Variants in TMCO5A observed in about 807,000 individuals in gnomAD.
TMCO5A encodes the protein transmembrane and coiled-coil domain-containing protein 5A.
A neutral mutation model predicts 42.3 loss-of-function variants in TMCO5A; 34 were observed. The observed-to-expected ratio is 0.80, with a 90% CI of 0.61 to 1.07. TMCO5A has a LOEUF of 1.07. Among genes scored for constraint, TMCO5A ranks in the 50% least tolerant of loss-of-function variants. The probability of loss-of-function intolerance (pLI) is 0.00; values close to 1 mark genes in which losing one functional copy is unlikely to be tolerated. For synonymous variants in TMCO5A, 131 were observed against 115.6 expected, an observed-to-expected ratio of 1.13 and a Z score of -0.86; for missense variants, 357 against 327.9, an observed-to-expected ratio of 1.09 and a Z score of -0.69.
chr15:37,978,612 A>G, the TMCO5A span, among the ~76,000 whole-genome samples: 2 of 152,264 alleles, frequency 1.3e-5, no homozygotes, highest in African/African-American at 4.8e-5. Context: ...TGCAGCCACA[A>G]TGCAAGAGAG....
At chr15:37,941,850 G>T (rs1392682915) in intron 8 of TMCO5A, 120 bp downstream of exon 8, 10 of 834,322 alleles carry the variant, frequency 1.2e-5, no homozygotes, top group Non-Finnish European at 2.0e-5. Flanking sequence ...GCACTACTAG[G>T]ATACTTTAAG....
chr15:38,036,073 C>G, the TMCO5A span, among the ~76,000 whole-genome samples: 1 of 152,178 alleles, frequency 6.6e-6, no homozygotes, highest in Non-Finnish European at 1.5e-5. Flanking sequence ...CACGTCCCCT[C>G]CATCACCCAG....
At chr15:37,974,782 G>A in the TMCO5A span, among the ~76,000 whole-genome samples, 1 of 152,014 alleles carries the variant, frequency 6.6e-6, no homozygotes, top group Non-Finnish European at 1.5e-5. Context: ...CTTGTCTTCT[G>A]CTAGCTCTGG....
intron 10 of TMCO5A, among the ~76,000 whole-genome samples, chr15:37,947,377 C>G (rs1890002284): frequency 6.6e-6 from 1 of 151,962 alleles, no homozygotes; most frequent in Non-Finnish European, 1.5e-5. Context: ...AGGTTCCAGG[C>G]CCCATCCTGC....
the TMCO5A span, among the ~76,000 whole-genome samples, chr15:37,981,200 C>CAAAAAAAAAAAAAAAA: frequency 1.5e-4 from 10 of 65,346 alleles, no homozygotes; most frequent in African/African-American, 4.5e-4. Context: ...AGAAAGCCAG[C>CAAAAAAAAAAAAAAAA]AAAAAAAAAA....
At chr15:38,040,404 G>A in the TMCO5A span, 1 of 152,160 alleles carries the variant, frequency 6.6e-6, no homozygotes, top group African/African-American at 2.4e-5. Context: ...TTCTTCTGCA[G>A]GCAAACGGAG....
chr15:37,992,946 A>C, the TMCO5A span, among the ~76,000 whole-genome samples: 1 of 152,126 alleles, frequency 6.6e-6, no homozygotes, highest in African/African-American at 2.4e-5. Context: ...AACAAACCCC[A>C]ATGACATGAA....
the TMCO5A span, among the ~76,000 whole-genome samples, chr15:37,979,421 G>A: frequency 6.6e-6 from 1 of 152,178 alleles, no homozygotes; most frequent in Non-Finnish European, 1.5e-5. Flanking sequence ...GCAGAATGTG[G>A]TAGGCTCCCA....
chr15:37,994,899 A>T, the TMCO5A span, among the ~76,000 whole-genome samples: 9 of 152,182 alleles, frequency 5.9e-5, no homozygotes, highest in Non-Finnish European at 1.2e-4. Context: ...CATCAAAGAG[A>T]GCAAACGTCA....
At position 37,943,323 on chromosome 15, in the gene TMCO5A, T is replaced by C. The variant is rs1281784406; in HGVS notation, c.570-18T>C. ...AGTGCACTTTGTTCAATTTCTGTCC[T>C]GGCTGTTATCTTCATAGATCAAAAC... On this transcript the variant is annotated intron_variant, in intron 9 of 11. Coordinates refer to ENST00000319669, the MANE Select transcript of TMCO5A (RefSeq NM_152453.4). 6.2e-7 allele frequency: 1 copy of C among 1,610,772 alleles called. No homozygotes were observed. The highest frequency in any genetic ancestry group is 2.2e-5 in the East Asian group (1 of 44,680).
chr15:38,010,369 C>G, the TMCO5A span, among the ~76,000 whole-genome samples: 170 of 111,924 alleles, frequency 1.5e-3, 1 homozygote, highest in African/African-American at 6.0e-3. Flanking sequence ...GGCGACAGAG[C>G]GAGACTCCGT....
At chr15:37,987,869 G>C in the TMCO5A span, among the ~76,000 whole-genome samples, 69 of 151,692 alleles carry the variant, frequency 4.5e-4, no homozygotes, top group Non-Finnish European at 1.0e-4. Flanking sequence ...GTAAATTTTA[G>C]GATAAACTTT....
downstream of TMCO5A, among the ~76,000 whole-genome samples, chr15:37,970,362 C>T (rs985171223): frequency 1.3e-5 from 2 of 152,210 alleles, no homozygotes. Flanking sequence ...TTGACTATCA[C>T]AAGAACAGCA....
chr15:37,936,700 C>T, intron 3 of TMCO5A, 147 bp from the exon 4 acceptor site: 2 of 1,248,200 alleles, frequency 1.6e-6, no homozygotes, highest in South Asian at 1.6e-5. Context: ...GGCAGGTCTT[C>T]CTGCTTTATG....
chr15:38,015,802 C>G, the TMCO5A span, among the ~76,000 whole-genome samples: 2 of 152,082 alleles, frequency 1.3e-5, no homozygotes, highest in African/African-American at 4.8e-5. Flanking sequence ...GAAAGAAGCC[C>G]AACTGAAAAG....
At chr15:38,027,800 G>T in the TMCO5A span, among the ~76,000 whole-genome samples, 3 of 152,154 alleles carry the variant, frequency 2.0e-5, no homozygotes. Context: ...GTTCTCACCA[G>T]ATCTGATGGT....
chr15:37,962,970 ATC>A (rs1349210241), intron 11 of TMCO5A, among the ~76,000 whole-genome samples: 2 of 151,720 alleles, frequency 1.3e-5, no homozygotes, highest in Non-Finnish European at 2.9e-5. Context: ...TATCAATTTT[ATC>A]TCTCTTTTCA....
the TMCO5A span, among the ~76,000 whole-genome samples, chr15:37,988,497 C>A: frequency 6.6e-6 from 1 of 151,960 alleles, no homozygotes; most frequent in East Asian, 1.9e-4. Flanking sequence ...TCATACATAG[C>A]TTTTATTATG....
rs368170714 is a variant in TMCO5A, at chr15:37,951,272, G to A, written c.*38G>A. On this transcript the variant is annotated 3_prime_UTR_variant, in exon 12 of 12. Transcript: ENST00000319669. ...TATCCTTGAGCAATAGAAGGGAAGT[G>A]GGATCCGAGCCTGTAGAAGGGAGGC... 1.9e-6 allele frequency: 3 copies of A among 1,596,398 alleles called. No individual in the cohort carries two copies. Among genetic ancestry groups the A allele is most frequent in the Non-Finnish European group, 2.6e-6 (3 of 1,165,820 alleles).
Sources: allele counts gnomAD v4.1 joint callset (sites outside exome capture counted in the v4.1 genomes callset), GRCh38; gene constraint gnomAD v4.1.1; transcripts MANE v1.5; gene names NCBI Gene and HGNC (gene_info 2026-07-23, HGNC 2026-07-21).